PRKCE: variants seen among roughly 807,000 people sequenced by gnomAD.
The protein encoded by PRKCE is protein kinase C epsilon type.
In PRKCE, 16 loss-of-function variants were observed where a neutral mutation model predicts 85.4. The ratio of observed to expected loss-of-function variants is 0.19; its 90% confidence interval spans 0.13 to 0.28. The LOEUF is 0.28. PRKCE is among the 10% of genes least tolerant of loss of function. The pLI is 1.00. For missense variants in PRKCE, 573 were observed against 975.2 expected (o/e 0.59, Z 5.49); for synonymous variants, 388 against 371.5 (o/e 1.04, Z -0.51).
chr2:46,033,563 G>A (rs1489283417), intron 10 of PRKCE, among the ~76,000 whole-genome samples: 8 of 152,182 alleles, frequency 5.3e-5, no homozygotes, highest in Non-Finnish European at 1.2e-4. Context: ...TATTGGCCAC[G>A]CTTTGAGAAA....
intron 2 of PRKCE, among the ~76,000 whole-genome samples, chr2:45,916,775 T>G (rs1486791513): frequency 6.6e-6 from 1 of 152,206 alleles, no homozygotes; most frequent in Non-Finnish European, 1.5e-5. Flanking sequence ...GGTGGGTTCT[T>G]GATCTCACTG....
chr2:45,664,721 C>T (rs1675832297), intron 1 of PRKCE, among the ~76,000 whole-genome samples: 1 of 152,174 alleles, frequency 6.6e-6, no homozygotes, highest in Non-Finnish European at 1.5e-5. Context: ...CTCATTGCTC[C>T]CTTTTGTGTA....
chr2:46,051,866 C>T (rs550347617), intron 10 of PRKCE, among the ~76,000 whole-genome samples: 2 of 152,286 alleles, frequency 1.3e-5, no homozygotes, highest in East Asian at 1.9e-4. Context: ...GAAGGCACCT[C>T]TTCAGAGGGC....
chr2:45,831,821 C>T (rs1380298720), intron 1 of PRKCE, among the ~76,000 whole-genome samples: 1 of 152,060 alleles, frequency 6.6e-6, no homozygotes, highest in Non-Finnish European at 1.5e-5. Flanking sequence ...AGACATGTAG[C>T]TTTTGGTTTC....
At chr2:45,690,174 C>T (rs1429251570) in intron 1 of PRKCE, among the ~76,000 whole-genome samples, 3 of 152,186 alleles carry the variant, frequency 2.0e-5, no homozygotes, top group Admixed American at 6.5e-5. Context: ...TAGTTCAATA[C>T]TTAGTTGAAC....
At chr2:46,121,952 CT>C (rs1482895291) in intron 11 of PRKCE, among the ~76,000 whole-genome samples, 1 of 152,128 alleles carries the variant, frequency 6.6e-6, no homozygotes, top group South Asian at 2.1e-4. Flanking sequence ...GTATTCTTCT[CT>C]TTTTTTCACC....
intron 10 of PRKCE, among the ~76,000 whole-genome samples, chr2:46,031,333 TC>T (rs1394801319): frequency 3.3e-5 from 5 of 152,188 alleles, no homozygotes; most frequent in Admixed American, 2.0e-4. Flanking sequence ...TCCTGCCTGT[TC>T]CCTCTGCCTG....
At chr2:45,763,013 G>A (rs1362039246) in intron 1 of PRKCE, among the ~76,000 whole-genome samples, 6 of 150,940 alleles carry the variant, frequency 4.0e-5, no homozygotes, top group Admixed American at 6.6e-5. Flanking sequence ...GTGCAGTGGC[G>A]CGATCTCGGC....
intron 13 of PRKCE, among the ~76,000 whole-genome samples, chr2:46,152,863 A>C (rs762612881): frequency 6.6e-6 from 1 of 152,228 alleles, no homozygotes; most frequent in Non-Finnish European, 1.5e-5. Flanking sequence ...AAATTATTGT[A>C]TAAAAATTTT....
intron 11 of PRKCE, among the ~76,000 whole-genome samples, chr2:46,113,385 C>A (rs888763030): frequency 1.3e-5 from 2 of 152,182 alleles, no homozygotes; most frequent in African/African-American, 4.8e-5. Flanking sequence ...ATTTTAGTCA[C>A]CTGAAAATAT....
chr2:45,920,356 A>G (rs1439241147), intron 2 of PRKCE, among the ~76,000 whole-genome samples: 1 of 152,216 alleles, frequency 6.6e-6, no homozygotes, highest in African/African-American at 2.4e-5. Flanking sequence ...AGACTCTCTG[A>G]CAGTTCTTCA....
intron 1 of PRKCE, among the ~76,000 whole-genome samples, chr2:45,671,358 A>G (rs66478360): frequency 0.16 from 23,683 of 152,204 alleles, 1,989 homozygotes; most frequent in East Asian, 0.23. Flanking sequence ...TTTTTAGGAC[A>G]AAGGTTTTTT....
intron 14 of PRKCE, among the ~76,000 whole-genome samples, chr2:46,166,255 G>A (rs901119426): frequency 2.0e-4 from 30 of 152,238 alleles, no homozygotes; most frequent in Admixed American, 2.6e-4. Flanking sequence ...CCTGCCTAGG[G>A]ACCACCTGAT....
intron 14 of PRKCE, among the ~76,000 whole-genome samples, chr2:46,170,874 G>A (rs932380490): frequency 1.3e-5 from 2 of 152,190 alleles, no homozygotes; most frequent in Admixed American, 6.5e-5. Context: ...TAAATAAGTG[G>A]GGGAGAGATT....
At chr2:45,915,108 C>T (rs894404060) in intron 2 of PRKCE, among the ~76,000 whole-genome samples, 2 of 152,132 alleles carry the variant, frequency 1.3e-5, no homozygotes, top group South Asian at 2.1e-4. Flanking sequence ...AGGCTGGTCT[C>T]GAACTCCTTA....
intron 1 of PRKCE, among the ~76,000 whole-genome samples, chr2:45,773,862 G>A (rs1440383695): frequency 1.3e-5 from 2 of 152,062 alleles, no homozygotes; most frequent in African/African-American, 4.8e-5. Context: ...CTGTACCTAC[G>A]GCTGCCAGGC....
chr2:45,775,830 G>C (rs1685707101), intron 1 of PRKCE, among the ~76,000 whole-genome samples: 2 of 152,158 alleles, frequency 1.3e-5, no homozygotes, highest in African/African-American at 4.8e-5. Flanking sequence ...CACATGGTCT[G>C]TACCCCACCC....
chr2:45,832,313 C>CTTTTT (rs10692501), intron 1 of PRKCE, among the ~76,000 whole-genome samples: 3 of 137,950 alleles, frequency 2.2e-5, no homozygotes, highest in Non-Finnish European at 3.1e-5. Context: ...CAAGGAGCAA[C>CTTTTT]TTTTTTTTTT....
chr2:46,103,671 C>T (rs1221119895), intron 11 of PRKCE, among the ~76,000 whole-genome samples: 1 of 152,090 alleles, frequency 6.6e-6, no homozygotes, highest in Non-Finnish European at 1.5e-5. Context: ...ATAACATAAA[C>T]AGTTAATTGG....
Sources: gnomAD v4.1 joint callset for allele counts (sites outside exome capture counted in the v4.1 genomes callset) on GRCh38, gnomAD v4.1.1 for gene constraint, MANE v1.5 for transcripts, NCBI Gene and HGNC (gene_info 2026-07-23, HGNC 2026-07-21) for gene names.